The following ZNF75D variants were observed in gnomAD, a reference collection of about 807,000 sequenced individuals.
ZNF75D encodes zinc finger protein 75.
ZNF75D carries 33 observed loss-of-function variants against 33.3 expected under a neutral mutation model. The ratio of observed to expected loss-of-function variants is 0.99; its 90% CI spans 0.75 to 1.32. The LOEUF (loss-of-function observed/expected upper bound fraction) is 1.32. Ranked by LOEUF, ZNF75D falls within the 40% of genes most tolerant of loss-of-function variation. ZNF75D has a pLI of 0.00. For synonymous variants in ZNF75D, 113 were observed against 130.6 expected, an observed-to-expected ratio of 0.87 and a Z score of 0.92; for missense variants, 338 against 367.5, an observed-to-expected ratio of 0.92 and a Z score of 0.66.
chrX:135,323,989 G>GCACACACA (rs34146473), intron 1 of ZNF75D, among the ~76,000 whole-genome samples: 53 of 97,614 alleles, frequency 5.4e-4, no homozygotes, highest in South Asian at 2.4e-3. Context: ...ACTTGTTGCA[G>GCACACACA]CACACACACA....
rs1239951480 is a variant in ZNF75D at position 135,343,755 on chromosome X, G to GGA, written c.-2380_-2379dup. 1 of 112,145 alleles carries GGA rather than the reference G, an allele frequency of 8.9e-6. No individual in the cohort carries two copies. Among genetic ancestry groups the GGA allele is most frequent in the South Asian group, 3.7e-4 (1 of 2,708 alleles). The allele number at this position is 112,145 out of a possible 1,213,427, so 9.2% of individuals were successfully genotyped here. ...CCGCCGGCCAAGGCGCCCGGGGCCA[G>GGA]GAGAGAGAGATGATGGCTTCAGCAG... is the stretch of plus-strand genomic sequence containing the variant. On this transcript the variant is annotated 5_prime_UTR_variant, in exon 1 of 7. Coordinates refer to ENST00000370766, the MANE Select transcript of ZNF75D (RefSeq NM_007131.5).
chrX:135,324,059 C>T (rs1319075192), intron 1 of ZNF75D, among the ~76,000 whole-genome samples: 4 of 110,771 alleles, frequency 3.6e-5, no homozygotes, highest in Non-Finnish European at 5.7e-5. Context: ...AGGTTTATTA[C>T]TCACATACCG....
intron 1 of ZNF75D, among the ~76,000 whole-genome samples, chrX:135,317,622 T>A (rs2084436907): frequency 9.0e-6 from 1 of 110,803 alleles, no homozygotes; most frequent in African/African-American, 3.3e-5. Context: ...TGTAGTGGCC[T>A]GGAAACTGGC....
Position 135,287,675 on chromosome X carries a change from G to A in ZNF75D, c.995C>T (p.Ala332Val). The A allele has an allele frequency of 1.7e-6, 2 of 1,210,568 alleles. No individual in the cohort carries two copies. Among genetic ancestry groups the A allele is most frequent in the Non-Finnish European group, 2.2e-6 (2 of 895,320 alleles). ...TTTCTTTCTTTTCTTCCTTGGAAAA[G>A]CTCGATGCCATTTCTGTACACTGTG... is the stretch of plus-strand genomic sequence containing the variant. Reference protein sequence around the residue: ...DTHSVQKWHRAFPRKKRKKPA... With the variant: ...DTHSVQKWHRVFPRKKRKKPA... Residue 332 changes from alanine (A) to valine (V), a missense_variant, in exon 7 of 7, where the codon GCT (alanine) becomes GTT (valine). Around this residue, in one of 3 missense-constraint regions of ZNF75D, gnomAD observed 254 missense variants for 267.7 expected, o/e 0.95. Transcript: ENST00000370766.
At chrX:135,290,752 G>A (rs2084026560) in intron 6 of ZNF75D, among the ~76,000 whole-genome samples, 1 of 112,197 alleles carries the variant, frequency 8.9e-6, no homozygotes, top group South Asian at 3.6e-4. Context: ...TTAGAGAAGG[G>A]TGTGTTTGGA....
intron 6 of ZNF75D, 106 bp downstream of exon 6, chrX:135,290,903 A>G (rs1267212307): frequency 2.5e-5 from 19 of 759,983 alleles, no homozygotes; most frequent in Non-Finnish European, 3.6e-5. Flanking sequence ...TTGAGAATCA[A>G]TCAGCTGTTG....
In ZNF75D at chrX:135,287,690, T is replaced by C. The variant is rs781854384; in HGVS notation, c.980A>G (p.Gln327Arg). ...RENPGDTHSV[Q>R]KWHRAFPRKK... ...CCTTGGAAAAGCTCGATGCCATTTC[T>C]GTACACTGTGTGTATCACCAGGATT... Residue 327 changes from glutamine (Q) to arginine (R), a missense_variant, in exon 7 of 7, where the codon CAG becomes CGG. Physicochemically the swap from Gln to Arg is conservative, Grantham distance 43 (BLOSUM62 1). Around this residue, in one of 3 missense-constraint regions of ZNF75D, gnomAD observed 254 missense variants for 267.7 expected, o/e 0.95. Transcript: ENST00000370766. 4.1e-6 allele frequency: 5 copies of C among 1,211,862 alleles called. No homozygotes were observed. The highest frequency in any genetic ancestry group is 1.1e-6 in the Non-Finnish European group (1 of 895,527).
At chrX:135,328,299 C>T (rs1019690186) in intron 1 of ZNF75D, among the ~76,000 whole-genome samples, 2 of 111,525 alleles carry the variant, frequency 1.8e-5, no homozygotes, top group Non-Finnish European at 1.9e-5. Flanking sequence ...AGGCTTAGTC[C>T]TCCAGGTTTT....
intron 1 of ZNF75D, among the ~76,000 whole-genome samples, chrX:135,306,876 T>C (rs2084293224): frequency 9.0e-6 from 1 of 111,652 alleles, no homozygotes; most frequent in Non-Finnish European, 1.9e-5. Flanking sequence ...TTAATTTATG[T>C]ATTCATTTAT....
At chrX:135,281,034 T>C (rs1556418444), downstream of ZNF75D, among the ~76,000 whole-genome samples, 1 of 111,681 alleles carries the variant, frequency 9.0e-6, no homozygotes, top group African/African-American at 3.3e-5. Flanking sequence ...AATGTTGGCC[T>C]GTCTTGCAAG....
intron 1 of ZNF75D, among the ~76,000 whole-genome samples, chrX:135,278,298 T>C (rs2083907237): frequency 8.9e-6 from 1 of 111,927 alleles, no homozygotes; most frequent in Non-Finnish European, 1.9e-5. Flanking sequence ...TGTCTATTAT[T>C]GGTGTATAGG....
At chrX:135,274,137 GTA>G (rs1162427251) in intron 1 of ZNF75D, among the ~76,000 whole-genome samples, 52 of 111,841 alleles carry the variant, frequency 4.6e-4, no homozygotes, top group African/African-American at 1.7e-3. Flanking sequence ...CTTTGTGTGT[GTA>G]TATGCATGCC....
chrX:135,301,699 T>C (rs2084220455), intron 1 of ZNF75D, among the ~76,000 whole-genome samples: 1 of 112,065 alleles, frequency 8.9e-6, no homozygotes, highest in Non-Finnish European at 1.9e-5. Flanking sequence ...TAGTCTCCCA[T>C]GGCTGGCCTT....
intron 1 of ZNF75D, among the ~76,000 whole-genome samples, chrX:135,273,690 G>A (rs1458083629): frequency 9.0e-6 from 1 of 111,361 alleles, no homozygotes; most frequent in Non-Finnish European, 1.9e-5. Flanking sequence ...AATGCCCCAG[G>A]GGATCTTCTG....
intron 1 of ZNF75D, among the ~76,000 whole-genome samples, chrX:135,301,587 AT>A (rs1416335330): frequency 8.9e-6 from 1 of 112,405 alleles, no homozygotes; most frequent in Non-Finnish European, 1.9e-5. Flanking sequence ...TACAGGCCCC[AT>A]GCAAGACCCA....
intron 1 of ZNF75D, among the ~76,000 whole-genome samples, chrX:135,315,481 T>C (rs1034883257): frequency 1.8e-5 from 2 of 112,470 alleles, no homozygotes; most frequent in African/African-American, 6.5e-5. Flanking sequence ...TGAGTTTAAA[T>C]CCAATGTCAC....
chrX:135,256,880 G>A (rs1393768176), intron 1 of ZNF75D, among the ~76,000 whole-genome samples: 1 of 111,946 alleles, frequency 8.9e-6, no homozygotes, highest in Non-Finnish European at 1.9e-5. Flanking sequence ...GAGTTGTAAG[G>A]CTCCTTTTCC....
At chrX:135,282,814 G>T (rs1165798632), downstream of ZNF75D, among the ~76,000 whole-genome samples, 1 of 112,045 alleles carries the variant, frequency 8.9e-6, no homozygotes. Flanking sequence ...TCCATGAGCT[G>T]CACCCACTGT....
chrX:135,291,650 G>T (rs1274675865), intron 4 of ZNF75D, 87 bp from the exon 5 acceptor site: 15 of 1,136,116 alleles, frequency 1.3e-5, no homozygotes, highest in Non-Finnish European at 1.6e-5. Flanking sequence ...ACATCAGGAT[G>T]CCTTCAGTAA....
Sources: allele counts gnomAD v4.1 joint callset (sites outside exome capture counted in the v4.1 genomes callset), GRCh38; gene constraint gnomAD v4.1.1; regional missense constraint gnomAD v4.1.1; transcripts MANE v1.5; gene names NCBI Gene and HGNC (gene_info 2026-07-23, HGNC 2026-07-21).